The following CDKN2B-AS1 variants were observed in gnomAD, a reference collection of about 807,000 sequenced individuals.
The protein encoded by CDKN2B-AS1 is CDKN2B antisense RNA 1 (non-protein coding).
intron 4 of CDKN2B-AS1, among the ~76,000 whole-genome samples, chr9:22,085,105 CTG>C (rs1824823964): frequency 6.6e-6 from 1 of 152,086 alleles, no homozygotes; most frequent in Admixed American, 6.5e-5. Context: ...CCCCAATAAA[CTG>C]TGGTTACTAA....
At chr9:22,040,033 G>A (rs375065026) in intron 1 of CDKN2B-AS1, among the ~76,000 whole-genome samples, 1 of 152,118 alleles carries the variant, frequency 6.6e-6, no homozygotes, top group Middle Eastern at 3.4e-3. Flanking sequence ...CAGAAGCTAC[G>A]GAAGAGACCT....
intron 4 of CDKN2B-AS1, chr9:22,119,321 A>G (rs1025590351): frequency 1.3e-5 from 2 of 152,230 alleles, no homozygotes; most frequent in Non-Finnish European, 2.9e-5. Flanking sequence ...CAAACACAGT[A>G]AATTCATTGC....
At chr9:22,008,537 T>G in intron 1 of CDKN2B-AS1, 1 of 839,274 alleles carries the variant, frequency 1.2e-6, no homozygotes, top group Non-Finnish European at 1.8e-6. Flanking sequence ...TTCTCCCCAA[T>G]TCAGTCTATT....
chr9:22,051,158 A>G (rs966105377), intron 3 of CDKN2B-AS1, among the ~76,000 whole-genome samples: 1 of 152,098 alleles, frequency 6.6e-6, no homozygotes, highest in African/African-American at 2.4e-5. Flanking sequence ...TGGGCTGTAC[A>G]TTTCAGCCTG....
chr9:22,102,609 C>T (rs1825522866), intron 4 of CDKN2B-AS1, among the ~76,000 whole-genome samples: 1 of 152,066 alleles, frequency 6.6e-6, no homozygotes, highest in Admixed American at 6.5e-5. Context: ...CCTCTGTTTT[C>T]GTATGGCCTT....
At chr9:22,071,090 T>C (rs1332651825) in intron 4 of CDKN2B-AS1, among the ~76,000 whole-genome samples, 1 of 151,812 alleles carries the variant, frequency 6.6e-6, no homozygotes, top group Admixed American at 6.6e-5. Flanking sequence ...CAAGAGATGT[T>C]AGTTTGAATT....
intron 4 of CDKN2B-AS1, chr9:22,117,719 G>A (rs998799934): frequency 3.3e-5 from 5 of 152,278 alleles, no homozygotes; most frequent in African/African-American, 7.2e-5. Flanking sequence ...AGGAAGGAAT[G>A]TTTATTAGCA....
intron 2 of CDKN2B-AS1, among the ~76,000 whole-genome samples, chr9:22,048,130 T>C (rs760898414): frequency 1.3e-5 from 2 of 152,062 alleles, no homozygotes; most frequent in Non-Finnish European, 2.9e-5. Flanking sequence ...ACCCAAAATA[T>C]GACATAAATA....
chr9:22,053,298 G>A (rs1033257867), intron 3 of CDKN2B-AS1, among the ~76,000 whole-genome samples: 7 of 152,288 alleles, frequency 4.6e-5, no homozygotes, highest in Non-Finnish European at 7.4e-5. Flanking sequence ...TTTAGCAAAC[G>A]TTTGAGAATC....
At chr9:22,008,406 G>A (rs1376902077) in intron 1 of CDKN2B-AS1, among the ~76,000 whole-genome samples, 1 of 152,092 alleles carries the variant, frequency 6.6e-6, no homozygotes, top group East Asian at 1.9e-4. Context: ...CATGTACTAT[G>A]ATTTTGTAGA....
intron 3 of CDKN2B-AS1, among the ~76,000 whole-genome samples, chr9:22,052,620 T>C (rs914012651): frequency 3.3e-5 from 5 of 152,224 alleles, no homozygotes; most frequent in African/African-American, 7.2e-5. Flanking sequence ...GGGCTTGCTG[T>C]CTTTTCATCA....
intron 4 of CDKN2B-AS1, among the ~76,000 whole-genome samples, chr9:22,092,037 G>A (rs1459045445): frequency 1.3e-5 from 2 of 152,012 alleles, no homozygotes; most frequent in Non-Finnish European, 2.9e-5. Flanking sequence ...CATGAAGGTT[G>A]TTGAATTTTG....
At chr9:22,115,085 T>G (rs1243434279) in intron 4 of CDKN2B-AS1, among the ~76,000 whole-genome samples, 1 of 152,100 alleles carries the variant, frequency 6.6e-6, no homozygotes, top group African/African-American at 2.4e-5. Context: ...AAATGGTAAT[T>G]ATAGATTCCC....
At chr9:22,074,604 A>C (rs1587496302) in intron 4 of CDKN2B-AS1, among the ~76,000 whole-genome samples, 1 of 152,180 alleles carries the variant, frequency 6.6e-6, no homozygotes, top group African/African-American at 2.4e-5. Flanking sequence ...TACACTGCTC[A>C]TGTAGATTCC....
intron 1 of CDKN2B-AS1, among the ~76,000 whole-genome samples, chr9:22,025,788 C>T: frequency 6.6e-6 from 1 of 152,190 alleles, no homozygotes. Flanking sequence ...GGAGACCTCA[C>T]CCAGCCAGGA....
At chr9:22,013,233 G>A (rs768112120) in intron 1 of CDKN2B-AS1, among the ~76,000 whole-genome samples, 1 of 152,024 alleles carries the variant, frequency 6.6e-6, no homozygotes, top group African/African-American at 2.4e-5. Context: ...TTCCAAATAC[G>A]GTCAAATTGT....
At chr9:22,066,350 C>T (rs892905319) in intron 4 of CDKN2B-AS1, 1 of 151,854 alleles carries the variant, frequency 6.6e-6, no homozygotes, top group African/African-American at 2.4e-5. Context: ...CACCACCATG[C>T]ATGGTTAGTT....
At chr9:22,098,510 G>A (rs910651859) in intron 4 of CDKN2B-AS1, among the ~76,000 whole-genome samples, 2 of 151,754 alleles carry the variant, frequency 1.3e-5, no homozygotes, top group South Asian at 2.1e-4. Context: ...GAAAAACAAA[G>A]TCCACTTGTA....
chr9:22,060,817 G>A (rs1203885241), intron 4 of CDKN2B-AS1, among the ~76,000 whole-genome samples: 1 of 152,194 alleles, frequency 6.6e-6, no homozygotes, highest in Non-Finnish European at 1.5e-5. Flanking sequence ...AGAGTAAAAT[G>A]AGGAGGAAGC....
Sources: allele counts gnomAD v4.1 joint callset (sites outside exome capture counted in the v4.1 genomes callset), GRCh38; gene constraint gnomAD v4.1.1; transcripts MANE v1.5; gene names NCBI Gene and HGNC (gene_info 2026-07-23, HGNC 2026-07-21).